FAT3: variants seen among roughly 807,000 people sequenced by gnomAD.
FAT3 encodes protocadherin Fat 3.
In FAT3, 95 loss-of-function variants were observed where a neutral mutation model predicts 310.2. The observed-to-expected ratio is 0.31, with a 90% CI of 0.26 to 0.36. The LOEUF (loss-of-function observed/expected upper bound fraction) is 0.36, where lower values mean the gene tolerates loss of function less well. FAT3 is among the 10% of genes least tolerant of loss of function. The pLI, the probability that FAT3 is intolerant of heterozygous loss-of-function variation, is 1.00. For missense variants in FAT3, 5,408 were observed against 5,715.6 expected, an observed-to-expected ratio of 0.95 and a Z score of 1.74; for synonymous variants, 2,314 against 2,192.9, an observed-to-expected ratio of 1.06 and a Z score of -1.54.
At chr11:92,784,062 C>T (rs559248485) in intron 7 of FAT3, among the ~76,000 whole-genome samples, 2 of 152,234 alleles carry the variant, frequency 1.3e-5, no homozygotes, top group Admixed American at 6.5e-5. Flanking sequence ...TTAATGCACA[C>T]GGAAATGATA....
chr11:92,501,175 A>G (rs1952927660), intron 2 of FAT3, among the ~76,000 whole-genome samples: 2 of 152,066 alleles, frequency 1.3e-5, no homozygotes, highest in African/African-American at 4.8e-5. Flanking sequence ...TGAACTCATT[A>G]TAGTAACCAT....
intron 2 of FAT3, among the ~76,000 whole-genome samples, chr11:92,497,467 T>G (rs1952799655): frequency 6.6e-6 from 1 of 152,098 alleles, no homozygotes; most frequent in African/African-American, 2.4e-5. Flanking sequence ...CATACATTTT[T>G]CTCTTTTAAT....
At chr11:92,484,647 A>T (rs1952322938) in intron 2 of FAT3, among the ~76,000 whole-genome samples, 1 of 152,224 alleles carries the variant, frequency 6.6e-6, no homozygotes. Flanking sequence ...TTACTGAAAA[A>T]AATCAAATCA....
chr11:92,461,473 G>A (rs898855596), intron 2 of FAT3, among the ~76,000 whole-genome samples: 1 of 152,024 alleles, frequency 6.6e-6, no homozygotes. Flanking sequence ...AAAGGGAGAT[G>A]GAAAAAAATG....
chr11:92,238,692 T>A (rs927272798), intron 1 of FAT3, among the ~76,000 whole-genome samples: 17 of 152,034 alleles, frequency 1.1e-4, no homozygotes, highest in Non-Finnish European at 2.5e-4. Context: ...ATTATTTAAA[T>A]AATAATAGTA....
At chr11:92,561,692 C>T (rs1435228190) in intron 3 of FAT3, among the ~76,000 whole-genome samples, 1 of 152,178 alleles carries the variant, frequency 6.6e-6, no homozygotes, top group African/African-American at 2.4e-5. Context: ...GTGGCACAAT[C>T]TTGGCTCACT....
At chr11:92,364,243 A>G (rs916676753) in intron 2 of FAT3, among the ~76,000 whole-genome samples, 6 of 152,168 alleles carry the variant, frequency 3.9e-5, no homozygotes, top group African/African-American at 1.2e-4. Flanking sequence ...TTACCGGCCC[A>G]TCAGGTCAGG....
intron 1 of FAT3, among the ~76,000 whole-genome samples, chr11:92,241,694 G>C (rs1864673948): frequency 6.6e-6 from 1 of 151,834 alleles, no homozygotes; most frequent in Admixed American, 6.6e-5. Flanking sequence ...AATGTTGCTG[G>C]TGTTTCATTT....
At chr11:92,405,171 C>A (rs1342610520) in intron 2 of FAT3, among the ~76,000 whole-genome samples, 1 of 152,024 alleles carries the variant, frequency 6.6e-6, no homozygotes, top group Non-Finnish European at 1.5e-5. Flanking sequence ...CATTTTCTCC[C>A]AAGCAGATCT....
intron 22 of FAT3, among the ~76,000 whole-genome samples, chr11:92,872,723 A>G (rs546919557): frequency 7.9e-5 from 12 of 152,356 alleles, no homozygotes; most frequent in Admixed American, 7.2e-4. Flanking sequence ...TTGGCCCAAT[A>G]TACAATATAT....
At chr11:92,784,206 G>A (rs1454555202) in intron 7 of FAT3, among the ~76,000 whole-genome samples, 1 of 152,126 alleles carries the variant, frequency 6.6e-6, no homozygotes, top group Admixed American at 6.5e-5. Context: ...ATAAAGTCTA[G>A]GAAATGAATG....
At position 92,524,869 on chromosome 11, in the gene FAT3, C is replaced by T. The variant is rs924894801; in HGVS notation, c.3528C>T (p.Asp1176=). 3 of 1,613,746 alleles carry T rather than the reference C, an allele frequency of 1.9e-6. No homozygotes were observed. Among genetic ancestry groups the T allele is most frequent in the African/African-American group, 2.7e-5 (2 of 74,914 alleles). Residue 1176 remains aspartate, a synonymous_variant, in exon 3 of 28, where the codon GAC becomes GAT. Transcript: ENST00000525166. The stretch of plus-strand genomic sequence containing the variant: ...TTCAGATCCAGGCTGAAGATCCTGA[C>T]TCCAGTTCCAATGAAAAACTGACAT... ...SVIQIQAEDP[D]SSSNEKLTYR...
At chr11:92,708,995 C>A (rs2135943018) in intron 4 of FAT3, among the ~76,000 whole-genome samples, 1 of 152,276 alleles carries the variant, frequency 6.6e-6, no homozygotes, top group East Asian at 1.9e-4. Flanking sequence ...CTTTCTAAAC[C>A]AGTATCCAAT....
intron 3 of FAT3, among the ~76,000 whole-genome samples, chr11:92,681,966 GA>G (rs1943493695): frequency 6.6e-6 from 1 of 152,158 alleles, no homozygotes; most frequent in African/African-American, 2.4e-5. Context: ...TGAAAATGGG[GA>G]AACCATCCCT....
chr11:92,244,066 G>A (rs1321603095), intron 1 of FAT3, among the ~76,000 whole-genome samples: 3 of 152,048 alleles, frequency 2.0e-5, no homozygotes, highest in Non-Finnish European at 4.4e-5. Flanking sequence ...TCCAGAGTCA[G>A]AATCTCTTTT....
chr11:92,260,090 A>G (rs1240230222), intron 1 of FAT3, among the ~76,000 whole-genome samples: 2 of 152,168 alleles, frequency 1.3e-5, no homozygotes, highest in Non-Finnish European at 2.9e-5. Flanking sequence ...CTAAGCACCC[A>G]TTTGATAAAA....
intron 4 of FAT3, among the ~76,000 whole-genome samples, chr11:92,737,393 G>A (rs542148610): frequency 9.9e-5 from 15 of 152,096 alleles, no homozygotes; most frequent in African/African-American, 2.9e-4. Flanking sequence ...ATAAAGTGGT[G>A]GTGTCAGATG....
chr11:92,301,311 G>C (rs901390546), intron 1 of FAT3, among the ~76,000 whole-genome samples: 6 of 152,094 alleles, frequency 3.9e-5, no homozygotes, highest in Non-Finnish European at 7.4e-5. Context: ...GAAAAAGAAA[G>C]GGCACTACAG....
At chr11:92,321,431 C>T (rs964641715) in intron 1 of FAT3, among the ~76,000 whole-genome samples, 5 of 145,712 alleles carry the variant, frequency 3.4e-5, no homozygotes, top group African/African-American at 1.0e-4. Flanking sequence ...GGCGAGACTC[C>T]GTCTCAAAAA....
Sources: gnomAD v4.1 joint callset for allele counts (sites outside exome capture counted in the v4.1 genomes callset) on GRCh38, gnomAD v4.1.1 for gene constraint, MANE v1.5 for transcripts, NCBI Gene and HGNC (gene_info 2026-07-23, HGNC 2026-07-21) for gene names.